The following TEK variants were observed in gnomAD, a reference collection of about 807,000 sequenced individuals.
The protein encoded by TEK is TEK receptor tyrosine kinase.
A neutral mutation model predicts 131.8 loss-of-function variants in TEK; 43 were observed. That is an observed-to-expected ratio of 0.33 (90% confidence interval 0.26 to 0.42). The LOEUF (loss-of-function observed/expected upper bound fraction) is 0.42. Ranked by LOEUF, TEK falls within the 10% of genes least tolerant of loss-of-function variation. TEK has a pLI of 1.00. For synonymous variants in TEK, 580 were observed against 491.6 expected (o/e 1.18, Z -2.38); for missense variants, 1,162 against 1,384.4 (o/e 0.84, Z 2.55).
Position 27,202,918 on chromosome 9 carries a change from A to C in TEK, c.2008A>C (p.Ile670Leu), listed in dbSNP as rs1333874645. Residue 670 changes from isoleucine to leucine, a missense_variant, in exon 13 of 23, where the codon ATT (isoleucine) becomes CTT (leucine). Transcript: ENST00000380036. ...TILDGYSISSITIRYKVQGKN... is the reference protein window; with the variant it reads ...TILDGYSISSLTIRYKVQGKN... Reference sequence around the variant, plus strand: ...ATTGGATGGCTATTCTATTTCTTCTATTACTATCCGTTACAAGGTTCAAGG... The same window carrying C: ...ATTGGATGGCTATTCTATTTCTTCTCTTACTATCCGTTACAAGGTTCAAGG... 6.2e-7 allele frequency: 1 copy of C among 1,614,132 alleles called. No homozygotes were observed. Among genetic ancestry groups the C allele is most frequent in the Non-Finnish European group, 8.5e-7 (1 of 1,180,000 alleles).
intron 19 of TEK, among the ~76,000 whole-genome samples, chr9:27,217,965 T>TC (rs1825880111): frequency 6.6e-6 from 1 of 152,128 alleles, no homozygotes; most frequent in Non-Finnish European, 1.5e-5. Context: ...GTTTTGGGTT[T>TC]CCCTCTGCAT....
At chr9:27,203,343 A>T (rs1479275013) in intron 13 of TEK, among the ~76,000 whole-genome samples, 1 of 152,142 alleles carries the variant, frequency 6.6e-6, no homozygotes, top group Non-Finnish European at 1.5e-5. Context: ...AGCATACCCC[A>T]TCCAGCAATC....
intron 4 of TEK, among the ~76,000 whole-genome samples, chr9:27,170,580 G>T (rs1452519413): frequency 6.7e-6 from 1 of 149,898 alleles, no homozygotes; most frequent in Non-Finnish European, 1.5e-5. Context: ...GGCCAGGCTG[G>T]TTGAAAGAGC....
At chr9:27,185,278 G>A (rs568251608) in intron 8 of TEK, among the ~76,000 whole-genome samples, 48 of 152,250 alleles carry the variant, frequency 3.2e-4, no homozygotes, top group Non-Finnish European at 5.6e-4. Context: ...ACAACAGCAG[G>A]ATCTGACAGG....
At chr9:27,201,771 T>C (rs996663723) in intron 12 of TEK, among the ~76,000 whole-genome samples, 5 of 152,212 alleles carry the variant, frequency 3.3e-5, no homozygotes, top group East Asian at 1.9e-4. Flanking sequence ...GTAACTTTCA[T>C]GTGGAAAAAC....
At chr9:27,159,831 A>G (rs1359790601) in intron 2 of TEK, among the ~76,000 whole-genome samples, 1 of 152,104 alleles carries the variant, frequency 6.6e-6, no homozygotes, top group Non-Finnish European at 1.5e-5. Flanking sequence ...ATTCCAGCTA[A>G]GGTGACCTCT....
intron 7 of TEK, 36 bp downstream of exon 7, chr9:27,180,404 C>T (rs1824322628): frequency 6.2e-7 from 1 of 1,601,210 alleles, no homozygotes; most frequent in Admixed American, 1.7e-5. Flanking sequence ...GGGCCATGTT[C>T]AGCATGTCTG....
Position 27,201,947 on chromosome 9 carries a change from G to A in TEK, c.1910-873G>A, listed in dbSNP as rs969850362. 3.3e-5 allele frequency among the ~76,000 whole-genome samples: 5 copies of A among 152,298 alleles called. No homozygotes were observed. The South Asian group carries it at 8.3e-4, about 25-fold the overall frequency. On this transcript the variant is annotated intron_variant, in intron 12 of 22. Transcript: ENST00000380036. Reference sequence around the variant, plus strand: ...GTCAAGAGAGTGTCTGCATGTGGAAGCACATTGTAAATAGCCTCATAAATG... The same window carrying A: ...GTCAAGAGAGTGTCTGCATGTGGAAACACATTGTAAATAGCCTCATAAATG...
intron 21 of TEK, among the ~76,000 whole-genome samples, chr9:27,227,288 AACT>A (rs1489159450): frequency 1.3e-5 from 2 of 152,190 alleles, no homozygotes; most frequent in African/African-American, 2.4e-5. Context: ...TTCTGAGCAC[AACT>A]GAGTAAGCAC....
At chr9:27,139,396 C>T (rs1429640424) in intron 1 of TEK, among the ~76,000 whole-genome samples, 5 of 130,436 alleles carry the variant, frequency 3.8e-5, no homozygotes, top group South Asian at 5.1e-4. Flanking sequence ...GGTGCAATCT[C>T]GGCTCAATGC....
rs55936367 is a variant in TEK at position 27,192,679 on chromosome 9, G to A, written c.1624+56G>A. 0.076 allele frequency: 100,394 copies of A among 1,319,140 alleles called. 4,342 individuals carry two copies. Among genetic ancestry groups the A allele is most frequent in the South Asian group, 0.15 (13,141 of 86,370 alleles). 81.7% of individuals were successfully genotyped at this position (1,319,140 alleles called of 1,614,324 possible). On this transcript the variant is annotated intron_variant, in intron 11 of 22. Transcript: ENST00000380036. ...GAGCTGGGTGGGAGGGGGAGGAAGGGGAAAGAGGAAGGAAGACCAGGAAGG... is the reference window on the plus strand; with the variant it reads ...GAGCTGGGTGGGAGGGGGAGGAAGGAGAAAGAGGAAGGAAGACCAGGAAGG...
At chr9:27,118,692 A>C (rs999961161) in intron 1 of TEK, among the ~76,000 whole-genome samples, 1 of 152,170 alleles carries the variant, frequency 6.6e-6, no homozygotes, top group African/African-American at 2.4e-5. Context: ...TAACATTTCA[A>C]ACTTTCAAGA....
intron 1 of TEK, among the ~76,000 whole-genome samples, chr9:27,137,570 G>C (rs116330938): frequency 0.012 from 1,855 of 152,076 alleles, 38 homozygotes; most frequent in African/African-American, 0.042. Context: ...TTTACTTTTT[G>C]AGTTCAACTT....
intron 2 of TEK, among the ~76,000 whole-genome samples, chr9:27,161,900 A>T (rs1176285460): frequency 6.6e-6 from 1 of 152,218 alleles, no homozygotes; most frequent in Non-Finnish European, 1.5e-5. Context: ...CTTCACAGTA[A>T]ATGTTTAACA....
At chr9:27,163,748 G>T (rs1195270190) in intron 2 of TEK, among the ~76,000 whole-genome samples, 1 of 152,174 alleles carries the variant, frequency 6.6e-6, no homozygotes, top group African/African-American at 2.4e-5. Flanking sequence ...TAGCTATACT[G>T]TCTTCACAGG....
intron 1 of TEK, among the ~76,000 whole-genome samples, chr9:27,130,271 A>G (rs1822160449): frequency 6.6e-6 from 1 of 152,218 alleles, no homozygotes; most frequent in Admixed American, 6.5e-5. Context: ...AATCTTATAA[A>G]GCATACAAAT....
intron 1 of TEK, among the ~76,000 whole-genome samples, chr9:27,136,082 G>GTTTTTTTT (rs1335849233): frequency 8.1e-5 from 8 of 99,192 alleles, no homozygotes; most frequent in Non-Finnish European, 1.1e-4. Flanking sequence ...TCCCAGGGCA[G>GTTTTTTTT]TTATTTTTTT....
chr9:27,205,050 A>C lies in TEK; in HGVS notation c.2349A>C (p.Gln783His). The change falls in exon 14 of 23, where the codon CAA (glutamine) becomes CAC (histidine). Residue 783 changes from glutamine (Q) to histidine (H), a missense_variant. Physicochemically the swap from Gln to His is conservative, Grantham distance 24. Coordinates refer to ENST00000380036, the MANE Select transcript of TEK (RefSeq NM_000459.5). The stretch of plus-strand genomic sequence containing the variant: ...CAAATGTGCAAAGGAGAATGGCCCA[A>C]GCCTTCCAAAACGTGGTAGTGTCTC... ...KRANVQRRMAQAFQNVREEPA... is the reference protein window; with the variant it reads ...KRANVQRRMAHAFQNVREEPA... 1 of 1,614,062 alleles carries C rather than the reference A, an allele frequency of 6.2e-7. No individual in the cohort carries two copies. The highest frequency in any genetic ancestry group is 8.5e-7 in the Non-Finnish European group (1 of 1,179,918).
chr9:27,185,463 T>G, intron 8 of TEK, 22 bp from the exon 9 acceptor site: 1 of 1,613,498 alleles, frequency 6.2e-7, no homozygotes. Flanking sequence ...AGTTTTTATT[T>G]TTTTGTATTT....
Sources: gnomAD v4.1 joint callset for allele counts (sites outside exome capture counted in the v4.1 genomes callset) on GRCh38, gnomAD v4.1.1 for gene constraint, MANE v1.5 for transcripts, NCBI Gene and HGNC (gene_info 2026-07-23, HGNC 2026-07-21) for gene names.